ABCC1: variants seen among roughly 807,000 people sequenced by gnomAD.
ABCC1 encodes ATP binding cassette subfamily C member 1 (ABCC1 blood group).
Under a neutral mutation model 172.9 loss-of-function variants are expected in ABCC1, and 83 were observed. The ratio of observed to expected loss-of-function variants is 0.48; its 90% CI spans 0.40 to 0.58. ABCC1 has a LOEUF of 0.58. Among genes scored for constraint, ABCC1 ranks in the 20% least tolerant of loss-of-function variants. The pLI, the probability that ABCC1 is intolerant of heterozygous loss-of-function variation, is 0.00. For missense variants in ABCC1, 1,817 were observed against 2,002.7 expected (o/e 0.91, Z 1.77); for synonymous variants, 937 against 825.2 (o/e 1.14, Z -2.32).
intron 1 of ABCC1, among the ~76,000 whole-genome samples, chr16:15,999,649 A>G (rs1383081620): frequency 2.0e-5 from 3 of 150,208 alleles, no homozygotes; most frequent in Non-Finnish European, 1.5e-5. Flanking sequence ...GAAAAATAAA[A>G]GAAATGGGGT....
At chr16:16,115,154 T>C (rs1421993901) in intron 23 of ABCC1, 78 bp downstream of exon 23, 2 of 1,441,464 alleles carry the variant, frequency 1.4e-6, no homozygotes, top group Non-Finnish European at 1.9e-6. Context: ...CCTTGTTTTA[T>C]CTTACCATGT....
chr16:16,135,656 A>G (rs988231451), intron 28 of ABCC1, among the ~76,000 whole-genome samples: 9 of 152,034 alleles, frequency 5.9e-5, no homozygotes, highest in Non-Finnish European at 1.0e-4. Context: ...GGGTTTCACC[A>G]TGTTACCCAG....
At chr16:16,026,869 A>G (rs2048392753) in intron 5 of ABCC1, among the ~76,000 whole-genome samples, 1 of 152,088 alleles carries the variant, frequency 6.6e-6, no homozygotes, top group South Asian at 2.1e-4. Context: ...GTGAGCCGAG[A>G]TCGGGCCACT....
At chr16:15,982,688 C>G (rs1009108587) in intron 1 of ABCC1, among the ~76,000 whole-genome samples, 1 of 150,360 alleles carries the variant, frequency 6.7e-6, no homozygotes, top group African/African-American at 2.4e-5. Flanking sequence ...ATGCCTGTAT[C>G]CCAGCTACTC....
intron 5 of ABCC1, among the ~76,000 whole-genome samples, chr16:16,031,071 A>C (rs1447784133): frequency 4.0e-5 from 6 of 151,876 alleles, no homozygotes; most frequent in African/African-American, 1.5e-4. Context: ...CTGGTCTCGA[A>C]CTCCTGACCA....
intron 28 of ABCC1, 151 bp from the exon 29 acceptor site, chr16:16,136,327 T>C (rs1216527175): frequency 1.3e-5 from 12 of 892,878 alleles, no homozygotes; most frequent in Non-Finnish European, 2.0e-5. Flanking sequence ...CCTGGCCTTT[T>C]TCTCCATTAT....
chr16:16,053,947 T>G (rs1274601895), intron 11 of ABCC1, among the ~76,000 whole-genome samples: 1 of 151,424 alleles, frequency 6.6e-6, no homozygotes, highest in Non-Finnish European at 1.5e-5. Flanking sequence ...ATTAATGGTA[T>G]AGTTTGGTTT....
chr16:16,103,696 G>A (rs994491832), intron 20 of ABCC1, among the ~76,000 whole-genome samples: 2 of 152,160 alleles, frequency 1.3e-5, no homozygotes, highest in Non-Finnish European at 2.9e-5. Flanking sequence ...AAAGGATCCC[G>A]GACCTGCAGT....
chr16:16,030,584 C>T (rs1464661290), intron 5 of ABCC1, among the ~76,000 whole-genome samples: 1 of 152,006 alleles, frequency 6.6e-6, no homozygotes, highest in Non-Finnish European at 1.5e-5. Flanking sequence ...TACTTATTCT[C>T]CTTGTCAAAG....
chr16:16,015,608 T>G (rs1265079664), intron 4 of ABCC1, among the ~76,000 whole-genome samples: 3 of 152,248 alleles, frequency 2.0e-5, no homozygotes, highest in African/African-American at 7.2e-5. Flanking sequence ...TCAAAGTGCC[T>G]CGCAGGGGAC....
chr16:16,020,395 T>A (rs990182466), intron 5 of ABCC1, among the ~76,000 whole-genome samples: 1 of 152,156 alleles, frequency 6.6e-6, no homozygotes, highest in Non-Finnish European at 1.5e-5. Flanking sequence ...CCCCATGGGG[T>A]TGCCATTTAC....
intron 5 of ABCC1, among the ~76,000 whole-genome samples, chr16:16,016,868 T>C (rs1320881359): frequency 2.0e-5 from 3 of 152,340 alleles, no homozygotes; most frequent in South Asian, 2.1e-4. Flanking sequence ...TGTAGGTTTC[T>C]CACTTGGCAT....
chr16:16,050,244 C>G (rs1222766263), intron 10 of ABCC1, among the ~76,000 whole-genome samples: 2 of 151,954 alleles, frequency 1.3e-5, no homozygotes, highest in Non-Finnish European at 2.9e-5. Context: ...GCGGGTGGAT[C>G]ATCTGAGGCC....
chr16:16,076,711 C>G (rs4148351), intron 15 of ABCC1, among the ~76,000 whole-genome samples: 10 of 152,068 alleles, frequency 6.6e-5, no homozygotes, highest in African/African-American at 1.2e-4. Flanking sequence ...CTTTCAGGTG[C>G]GGTGTGATCC....
intron 12 of ABCC1, among the ~76,000 whole-genome samples, 175 bp from the exon 13 acceptor site, chr16:16,067,981 A>T (rs2050176884): frequency 6.6e-6 from 1 of 151,764 alleles, no homozygotes; most frequent in Admixed American, 6.6e-5. Context: ...CAGAGTGTTT[A>T]GTGAGCACCT....
At chr16:16,013,015 C>G (rs928655316) in intron 3 of ABCC1, among the ~76,000 whole-genome samples, 9 of 152,130 alleles carry the variant, frequency 5.9e-5, no homozygotes, top group African/African-American at 2.2e-4. Context: ...ATTTATGCCT[C>G]TGTCACCCTG....
intron 10 of ABCC1, among the ~76,000 whole-genome samples, chr16:16,049,396 G>A (rs1036105432): frequency 5.3e-5 from 8 of 152,140 alleles, no homozygotes; most frequent in African/African-American, 1.9e-4. Context: ...AGATGTGATT[G>A]ACAGCCCTTC....
In ABCC1 at chr16:15,956,189, C is replaced by T. The variant is rs531993549; in HGVS notation, c.48+6390C>T. ...AGGAGTTTGAGACCAGCCTGGCCAA[C>T]ATGGTAAAACCCTGTCTCTACAAAA... On this transcript the variant is annotated intron_variant, in intron 1 of 30. Coordinates refer to ENST00000399410, the MANE Select transcript of ABCC1 (RefSeq NM_004996.4). 3.3e-5 allele frequency among the ~76,000 whole-genome samples: 5 copies of T among 152,184 alleles called. No individual in the cohort carries two copies. The South Asian group carries it at 8.3e-4, about 25-fold the overall frequency.
chr16:16,008,496 C>T (rs751419338), intron 2 of ABCC1, among the ~76,000 whole-genome samples: 2 of 151,724 alleles, frequency 1.3e-5, no homozygotes, highest in Non-Finnish European at 2.9e-5. Flanking sequence ...TGAACCACCA[C>T]GCCTGGCCCC....
Sources: allele counts gnomAD v4.1 joint callset (sites outside exome capture counted in the v4.1 genomes callset), GRCh38; gene constraint gnomAD v4.1.1; transcripts MANE v1.5; gene names NCBI Gene and HGNC (gene_info 2026-07-23, HGNC 2026-07-21).